The following RIOK1 variants were observed in gnomAD, a reference collection of about 807,000 sequenced individuals.
RIOK1 encodes serine/threonine-protein kinase RIO1.
A neutral mutation model predicts 73.5 loss-of-function variants in RIOK1; 66 were observed. That is an observed-to-expected ratio of 0.90 (90% CI 0.74 to 1.10). The LOEUF is 1.10. Ranked by LOEUF, RIOK1 falls within the 50% of genes least tolerant of loss-of-function variation. RIOK1 has a pLI of 0.00. For synonymous variants in RIOK1, 224 were observed against 226.8 expected, an observed-to-expected ratio of 0.99 and a Z score of 0.11; for missense variants, 658 against 699.8, an observed-to-expected ratio of 0.94 and a Z score of 0.67.
intron 1 of RIOK1, among the ~76,000 whole-genome samples, 155 bp downstream of exon 1, chr6:7,390,228 G>T (rs983121210): frequency 6.6e-6 from 1 of 152,182 alleles, no homozygotes; most frequent in African/African-American, 2.4e-5. Context: ...CATCCCAGCT[G>T]GGTTTTTCTC....
At chr6:7,410,873 A>C (rs1761869076) in intron 13 of RIOK1, among the ~76,000 whole-genome samples, 1 of 152,226 alleles carries the variant, frequency 6.6e-6, no homozygotes, top group African/African-American at 2.4e-5. Flanking sequence ...TTTTAAAAAA[A>C]ATTCTCACAA....
At chr6:7,400,859 G>A (rs746445604) in intron 5 of RIOK1, 99 bp from the exon 6 acceptor site, 15 of 686,680 alleles carry the variant, frequency 2.2e-5, no homozygotes, top group South Asian at 1.0e-4. Context: ...GGATAGCGTC[G>A]TACAGTTAAG....
At position 7,402,640 on chromosome 6, in the gene RIOK1, G is replaced by A. The variant is rs372062841; in HGVS notation, c.611G>A (p.Ser204Asn). The A allele has an allele frequency of 3.1e-6, 5 of 1,612,324 alleles. No homozygotes were observed. The highest frequency in any genetic ancestry group is 1.1e-5 in the South Asian group (1 of 90,812). ...CATGCTAGCACAGCAAATGGAGAGA[G>A]CAGAGCAATCAAAATTTATAAAACT... is the stretch of plus-strand genomic sequence containing the variant. ...VYHASTANGE[S>N]RAIKIYKTSI... Residue 204 changes from serine (S) to asparagine (N), a missense_variant, in exon 7 of 17, where the codon AGC becomes AAC. By Grantham distance (46) the Ser-to-Asn change is conservative. Transcript: ENST00000379834.
chr6:7,412,069 C>T (rs1277279031), intron 14 of RIOK1, among the ~76,000 whole-genome samples: 1 of 152,162 alleles, frequency 6.6e-6, no homozygotes, highest in African/African-American at 2.4e-5. Flanking sequence ...TCTGTAAAAA[C>T]TACCAGGTAG....
intron 3 of RIOK1, among the ~76,000 whole-genome samples, chr6:7,395,921 T>C (rs1477039815): frequency 6.6e-6 from 1 of 152,162 alleles, no homozygotes; most frequent in Non-Finnish European, 1.5e-5. Context: ...TTGACCAGGC[T>C]GGTTTTGAAC....
intron 4 of RIOK1, among the ~76,000 whole-genome samples, chr6:7,397,263 C>G (rs1486932602): frequency 6.6e-6 from 1 of 151,930 alleles, no homozygotes; most frequent in African/African-American, 2.4e-5. Flanking sequence ...GACTCCATCT[C>G]AAAAATAAAT....
At chr6:7,407,153 G>C (rs868352656) in intron 12 of RIOK1, among the ~76,000 whole-genome samples, 1 of 152,208 alleles carries the variant, frequency 6.6e-6, no homozygotes, top group Non-Finnish European at 1.5e-5. Context: ...TATACACCCA[G>C]AAGTAGAATT....
At chr6:7,409,459 G>T (rs1346113023) in intron 12 of RIOK1, among the ~76,000 whole-genome samples, 11 of 151,672 alleles carry the variant, frequency 7.3e-5, no homozygotes, top group South Asian at 6.2e-4. Context: ...TCACCATGTT[G>T]ACTAGGCTGG....
intron 16 of RIOK1, among the ~76,000 whole-genome samples, chr6:7,415,830 G>A (rs933417227): frequency 1.3e-5 from 2 of 152,216 alleles, no homozygotes; most frequent in East Asian, 3.8e-4. Context: ...GTATGATACT[G>A]TGGGATATTT....
chr6:7,406,471 T>C (rs1761749035), intron 12 of RIOK1, among the ~76,000 whole-genome samples: 1 of 152,196 alleles, frequency 6.6e-6, no homozygotes, highest in South Asian at 2.1e-4. Context: ...CAAACTGATA[T>C]TCTGTACCCA....
intron 14 of RIOK1, among the ~76,000 whole-genome samples, chr6:7,412,098 C>T (rs1458146444): frequency 1.3e-5 from 2 of 152,192 alleles, no homozygotes; most frequent in Non-Finnish European, 2.9e-5. Context: ...CAGTGGCTCA[C>T]ACCTGTAATC....
At chr6:7,416,376 C>G (rs1446302902) in intron 16 of RIOK1, among the ~76,000 whole-genome samples, 1 of 152,140 alleles carries the variant, frequency 6.6e-6, no homozygotes, top group East Asian at 1.9e-4. Context: ...CAGCTGGGCG[C>G]GGTGGCTCAC....
At chr6:7,391,106 G>C (rs1761326724) in intron 1 of RIOK1, among the ~76,000 whole-genome samples, 1 of 152,094 alleles carries the variant, frequency 6.6e-6, no homozygotes. Flanking sequence ...GAGTTATTTT[G>C]GAATTCCAAG....
At chr6:7,417,262 C>CA in intron 16 of RIOK1, 69 bp from the exon 17 acceptor site, 1 of 1,098,166 alleles carries the variant, frequency 9.1e-7, no homozygotes. Context: ...AAACAAAAAA[C>CA]AAAAAACAAA....
At chr6:7,396,851 C>A in intron 4 of RIOK1, 79 bp downstream of exon 4, 1 of 780,262 alleles carries the variant, frequency 1.3e-6, no homozygotes, top group Non-Finnish European at 2.2e-6. Flanking sequence ...AATTCTTTTA[C>A]AGAGGATGTT....
At chr6:7,404,664 G>T (rs1761699768) in intron 10 of RIOK1, 109 bp downstream of exon 10, 2 of 1,316,568 alleles carry the variant, frequency 1.5e-6, no homozygotes, top group African/African-American at 1.5e-5. Flanking sequence ...AAGTTTTATT[G>T]TTGACTTCCA....
chr6:7,404,390 C>A, intron 9 of RIOK1, 28 bp from the exon 10 acceptor site: 1 of 1,611,754 alleles, frequency 6.2e-7, no homozygotes, highest in Non-Finnish European at 8.5e-7. Context: ...TGTTCTTGGT[C>A]ATTTTATCTT....
Position 7,404,408 on chromosome 6 carries a change from T to C in RIOK1, c.855-10T>C. 1.9e-6 allele frequency: 3 copies of C among 1,613,726 alleles called. No homozygotes were observed. Among genetic ancestry groups the C allele is most frequent in the Non-Finnish European group, 2.5e-6 (3 of 1,179,916 alleles). On this transcript the variant is annotated splice_polypyrimidine_tract_variant and intron_variant, in intron 9 of 16. Transcript: ENST00000379834. Reference sequence around the variant, plus strand: ...TCTTGGTCATTTTATCTTAGTTCTTTTCATTCAAGGCCTGCACCACTCTTG... The same window carrying C: ...TCTTGGTCATTTTATCTTAGTTCTTCTCATTCAAGGCCTGCACCACTCTTG...
intron 1 of RIOK1, among the ~76,000 whole-genome samples, chr6:7,392,354 A>G (rs1488512061): frequency 6.6e-6 from 1 of 151,148 alleles, no homozygotes; most frequent in Non-Finnish European, 1.5e-5. Flanking sequence ...TCTCATTTGT[A>G]GTGCCTGGTC....
Sources: gnomAD v4.1 joint callset for allele counts (sites outside exome capture counted in the v4.1 genomes callset) on GRCh38, gnomAD v4.1.1 for gene constraint, MANE v1.5 for transcripts, NCBI Gene and HGNC (gene_info 2026-07-23, HGNC 2026-07-21) for gene names.